Variants in TRPC5 observed in about 807,000 individuals in gnomAD.
TRPC5 encodes short transient receptor potential channel 5.
In TRPC5, 9 loss-of-function variants were observed where a neutral mutation model predicts 56.5. The ratio of observed to expected loss-of-function variants is 0.16; its 90% CI spans 0.10 to 0.28. TRPC5 has a LOEUF of 0.28. Among genes scored for constraint, TRPC5 ranks in the 10% least tolerant of loss-of-function variants. The pLI, the probability that TRPC5 is intolerant of heterozygous loss-of-function variation, is 1.00. For synonymous variants in TRPC5, 282 were observed against 278.5 expected (o/e 1.01, Z -0.13); for missense variants, 469 against 748.9 (o/e 0.63, Z 4.36).
At position 111,852,278 on chromosome X, in the gene TRPC5, T is replaced by C; in HGVS notation, c.1377+20A>G. The C allele has an allele frequency of 2.5e-6, 3 of 1,203,272 alleles. No homozygotes were observed. The highest frequency in any genetic ancestry group is 3.0e-5 in the East Asian group (1 of 33,517). ...AGCCAAAATCGCTGTGTAGGAAATA[T>C]GGCAGACATTCCAATTTACCTTGAC... On this transcript the variant is annotated intron_variant, in intron 5 of 10. Transcript: ENST00000262839.
rs1430224311 is a variant in TRPC5 at position 111,776,370 on chromosome X, G to A, written c.2865C>T (p.Asp955=). The A allele has an allele frequency of 1.7e-6, 2 of 1,202,659 alleles. No individual in the cohort carries two copies. Among genetic ancestry groups the A allele is most frequent in the Non-Finnish European group, 2.2e-6 (2 of 892,568 alleles). Reference sequence around the variant, plus strand: ...CATCACCCCATTTGTGCATGAGCAAGTCACAAGCCTCTCCCCAAGTTTCAA... The same window carrying A: ...CATCACCCCATTTGTGCATGAGCAAATCACAAGCCTCTCCCCAAGTTTCAA... ...DVFETWGEAC[D]LLMHKWGDGQ... Residue 955 remains aspartate, a synonymous_variant, in exon 11 of 11, where the codon GAC becomes GAT. Transcript: ENST00000262839.
rs1945876114 is a variant in TRPC5, at chrX:111,776,147, C to T, written c.*166G>A. 4.4e-6 allele frequency: 2 copies of T among 456,750 alleles called. No individual in the cohort carries two copies. Among genetic ancestry groups the T allele is most frequent in the Admixed American group, 4.5e-5 (1 of 22,091 alleles). 37.6% of individuals were successfully genotyped at this position (456,750 alleles called of 1,213,427 possible). ...AATAATAATGAAAGTAATAATAAAACAAGAACAAAAATGGAGAATGTGGCT... is the reference window on the plus strand; with the variant it reads ...AATAATAATGAAAGTAATAATAAAATAAGAACAAAAATGGAGAATGTGGCT... On this transcript the variant is annotated 3_prime_UTR_variant, in exon 11 of 11. Coordinates refer to ENST00000262839, the MANE Select transcript of TRPC5 (RefSeq NM_012471.3).
intron 1 of TRPC5, among the ~76,000 whole-genome samples, chrX:112,071,103 AC>A (rs1930707689): frequency 9.1e-6 from 1 of 109,696 alleles, no homozygotes; most frequent in Non-Finnish European, 1.9e-5. Flanking sequence ...ACATGGTGTA[AC>A]CCCCCTCTCT....
At chrX:111,931,234 G>A (rs1450886054) in intron 2 of TRPC5, 1 of 112,199 alleles carries the variant, frequency 8.9e-6, no homozygotes, top group Non-Finnish European at 1.9e-5. Context: ...TTTGTTCATA[G>A]TAATGACTTC....
chrX:112,028,219 G>T (rs775638067), intron 1 of TRPC5, among the ~76,000 whole-genome samples: 1 of 112,139 alleles, frequency 8.9e-6, no homozygotes, highest in East Asian at 2.8e-4. Context: ...CCAGAAAGAT[G>T]CTGTGCTAGT....
intron 7 of TRPC5, among the ~76,000 whole-genome samples, chrX:111,824,723 C>G (rs1922135857): frequency 9.0e-6 from 1 of 111,446 alleles, no homozygotes; most frequent in Non-Finnish European, 1.9e-5. Flanking sequence ...AGGCTCTGCA[C>G]TTTGTCATGC....
rs200588153 is a variant in TRPC5 at position 112,049,514 on chromosome X, ATATATATT to A, written c.-22+32357_-22+32364del. Among the ~76,000 whole-genome samples, 917 of 106,069 alleles carry A rather than the reference ATATATATT, an allele frequency of 8.6e-3. 4 individuals carry two copies. The highest frequency in any genetic ancestry group is 0.029 in the African/African-American group (857 of 29,798). 92.1% of individuals were successfully genotyped at this position (106,069 alleles called of 115,157 possible). A position where few individuals can be genotyped will look rare whatever the true frequency, so the allele number is the denominator to read the frequency against. The stretch of plus-strand genomic sequence containing the variant: ...ATAGTAATTAATAGATAATACATAA[ATATATATT>A]TATATATTTAATATATATATATATT... On this transcript the variant is annotated intron_variant, in intron 1 of 10. Transcript: ENST00000262839.
intron 1 of TRPC5, among the ~76,000 whole-genome samples, chrX:111,956,519 T>A (rs1927240293): frequency 9.0e-6 from 1 of 110,654 alleles, no homozygotes; most frequent in Non-Finnish European, 1.9e-5. Flanking sequence ...ATACTTCTCC[T>A]AGGAAAAAAA....
chrX:111,894,119 C>T (rs2148609182), intron 3 of TRPC5, among the ~76,000 whole-genome samples: 1 of 111,272 alleles, frequency 9.0e-6, no homozygotes, highest in African/African-American at 3.3e-5. Context: ...AATCTGGCAC[C>T]CACCCTCACC....
chrX:112,073,490 G>A (rs1326797481), intron 1 of TRPC5, among the ~76,000 whole-genome samples: 3 of 110,827 alleles, frequency 2.7e-5, no homozygotes, highest in African/African-American at 3.3e-5. Flanking sequence ...GGCTGGTCTC[G>A]AACTCCTGAC....
intron 1 of TRPC5, among the ~76,000 whole-genome samples, chrX:111,976,054 C>T (rs1034750868): frequency 1.8e-5 from 2 of 112,024 alleles, no homozygotes; most frequent in Admixed American, 9.4e-5. Flanking sequence ...AATAAAAAAG[C>T]TGCATGATCA....
intron 1 of TRPC5, among the ~76,000 whole-genome samples, chrX:111,961,909 A>T (rs1927392703): frequency 8.9e-6 from 1 of 112,213 alleles, no homozygotes; most frequent in African/African-American, 3.2e-5. Flanking sequence ...TGTAGACATA[A>T]AAAGAAAGAA....
intron 3 of TRPC5, 143 bp downstream of exon 3, chrX:111,912,148 G>C (rs1235403252): frequency 6.4e-5 from 40 of 628,742 alleles, no homozygotes; most frequent in Non-Finnish European, 9.3e-5. Flanking sequence ...TCTGTGCCTC[G>C]GATAAATGGG....
intron 7 of TRPC5, among the ~76,000 whole-genome samples, chrX:111,802,556 T>A (rs1024238131): frequency 1.8e-5 from 2 of 111,809 alleles, no homozygotes; most frequent in Non-Finnish European, 3.8e-5. Context: ...TAAAAATCAC[T>A]CTACACCTTA....
At chrX:111,795,555 G>T (rs779381689) in intron 7 of TRPC5, among the ~76,000 whole-genome samples, 2 of 110,509 alleles carry the variant, frequency 1.8e-5, no homozygotes, top group Non-Finnish European at 3.8e-5. Context: ...GACTTCTAGT[G>T]CCCATGGTTT....
intron 7 of TRPC5, among the ~76,000 whole-genome samples, chrX:111,810,014 A>G (rs1166056014): frequency 1.8e-5 from 2 of 109,695 alleles, no homozygotes; most frequent in African/African-American, 6.7e-5. Context: ...TCCTGGGTTC[A>G]AGCAATTCTC....
chrX:111,925,857 T>C (rs896426213), intron 2 of TRPC5, among the ~76,000 whole-genome samples: 1 of 111,513 alleles, frequency 9.0e-6, no homozygotes, highest in Non-Finnish European at 1.9e-5. Flanking sequence ...TGGGATTGTT[T>C]AGGGATCTCT....
intron 7 of TRPC5, among the ~76,000 whole-genome samples, chrX:111,829,934 C>T (rs1328836289): frequency 8.9e-6 from 1 of 112,636 alleles, no homozygotes; most frequent in Non-Finnish European, 1.9e-5. Flanking sequence ...TCCTCCAGAC[C>T]CCAGAATGGT....
chrX:111,904,470 C>A (rs1016482127), intron 3 of TRPC5, among the ~76,000 whole-genome samples: 5 of 111,630 alleles, frequency 4.5e-5, no homozygotes, highest in Non-Finnish European at 7.5e-5. Flanking sequence ...GGAACAAGAT[C>A]ATGTCCTTTA....
Sources: allele counts gnomAD v4.1 joint callset (sites outside exome capture counted in the v4.1 genomes callset), GRCh38; gene constraint gnomAD v4.1.1; transcripts MANE v1.5; gene names NCBI Gene and HGNC (gene_info 2026-07-23, HGNC 2026-07-21).